The following CAMTA1 variants were observed in gnomAD, a reference collection of about 807,000 sequenced individuals.
CAMTA1 encodes calmodulin-binding transcription activator 1.
Under a neutral mutation model 170.9 loss-of-function variants are expected in CAMTA1, and 27 were observed. That is an observed-to-expected ratio of 0.16 (90% CI 0.12 to 0.22). The LOEUF is 0.22. Ranked by LOEUF, CAMTA1 falls within the 10% of genes least tolerant of loss-of-function variation. CAMTA1 has a pLI of 1.00. For synonymous variants in CAMTA1, 833 were observed against 891.5 expected (o/e 0.93, Z 1.17); for missense variants, 1,619 against 2,217.2 (o/e 0.73, Z 5.42).
chr1:7,070,545 GCAC>G (rs1327095531), intron 3 of CAMTA1, among the ~76,000 whole-genome samples: 1 of 152,142 alleles, frequency 6.6e-6, no homozygotes, highest in East Asian at 1.9e-4. Context: ...AACCTTTTGA[GCAC>G]GACCTTCTCT....
intron 6 of CAMTA1, among the ~76,000 whole-genome samples, chr1:7,608,097 C>T (rs1431684487): frequency 1.3e-5 from 2 of 152,206 alleles, no homozygotes; most frequent in African/African-American, 4.8e-5. Flanking sequence ...CTGCAGGAGA[C>T]CCATGCTCTG....
At chr1:7,147,235 A>G (rs1267345124) in intron 4 of CAMTA1, among the ~76,000 whole-genome samples, 1 of 152,128 alleles carries the variant, frequency 6.6e-6, no homozygotes, top group Non-Finnish European at 1.5e-5. Flanking sequence ...CCTGGCTAAC[A>G]TGGTGAAACC....
At chr1:6,922,238 A>C (rs894046122) in intron 3 of CAMTA1, among the ~76,000 whole-genome samples, 4 of 152,172 alleles carry the variant, frequency 2.6e-5, no homozygotes, top group Non-Finnish European at 4.4e-5. Context: ...AGATGAGCAA[A>C]AGCAGGTGCA....
At chr1:7,559,091 A>G (rs1266083030) in intron 6 of CAMTA1, among the ~76,000 whole-genome samples, 3 of 152,256 alleles carry the variant, frequency 2.0e-5, no homozygotes, top group South Asian at 4.1e-4. Flanking sequence ...GCTCCCCCAC[A>G]TGGCAGCCGC....
chr1:7,697,200 T>C (rs1458398075), intron 11 of CAMTA1, among the ~76,000 whole-genome samples: 1 of 152,200 alleles, frequency 6.6e-6, no homozygotes, highest in Non-Finnish European at 1.5e-5. Flanking sequence ...GAGCACATCC[T>C]GAGGACAGGA....
At chr1:7,546,655 G>T (rs72865449) in intron 6 of CAMTA1, among the ~76,000 whole-genome samples, 9,604 of 152,106 alleles carry the variant, frequency 0.063, 1,006 homozygotes, top group African/African-American at 0.22. Context: ...CTGCAACATC[G>T]CCAGCATCTG....
At chr1:7,590,107 T>C (rs2095344060) in intron 6 of CAMTA1, among the ~76,000 whole-genome samples, 1 of 152,164 alleles carries the variant, frequency 6.6e-6, no homozygotes, top group Admixed American at 6.5e-5. Context: ...AACTTCAACA[T>C]TGCCTATTTG....
chr1:7,184,234 T>C (rs995663092), intron 4 of CAMTA1, among the ~76,000 whole-genome samples: 5 of 152,128 alleles, frequency 3.3e-5, no homozygotes, highest in South Asian at 2.1e-4. Flanking sequence ...CTGGGAAGGG[T>C]AGTAGGGGCA....
At chr1:7,181,475 A>G (rs1421287603) in intron 4 of CAMTA1, among the ~76,000 whole-genome samples, 1 of 152,230 alleles carries the variant, frequency 6.6e-6, no homozygotes, top group African/African-American at 2.4e-5. Flanking sequence ...ATGATAGTAT[A>G]CTGGGATAAC....
At chr1:7,442,168 C>G (rs2092559545) in intron 5 of CAMTA1, among the ~76,000 whole-genome samples, 1 of 152,202 alleles carries the variant, frequency 6.6e-6, no homozygotes, top group Non-Finnish European at 1.5e-5. Flanking sequence ...ATGCTCAGCG[C>G]TCAGCAAGGC....
At chr1:7,229,560 A>G (rs113643155) in intron 4 of CAMTA1, among the ~76,000 whole-genome samples, 2 of 51,750 alleles carry the variant, frequency 3.9e-5, no homozygotes, top group African/African-American at 7.7e-5. Context: ...GATGGGGTGG[A>G]GAGGGGGAGA....
chr1:7,619,444 G>A (rs1332984919), intron 6 of CAMTA1, among the ~76,000 whole-genome samples: 1 of 152,114 alleles, frequency 6.6e-6, no homozygotes, highest in African/African-American at 2.4e-5. Context: ...TCACAAGGAA[G>A]AAGAGTGGGA....
chr1:7,736,328 C>G lies in CAMTA1; in HGVS notation c.3067-16C>G, dbSNP rs202107647. 3.6e-5 allele frequency: 58 copies of G among 1,611,746 alleles called. No individual in the cohort carries two copies. In the Middle Eastern group the frequency reaches 6.6e-4, roughly 18 times the overall value. On this transcript the variant is annotated splice_polypyrimidine_tract_variant and intron_variant, in intron 12 of 22. Transcript: ENST00000303635. This position sits in a 1 kb window ranked among gnomAD's most constrained non-coding sequence, Gnocchi z 4.5. ...CCTTTAGTCCTGAGGTCGTAACGTG[C>G]GCTTTTTTGTGACAGTGTGCTTCTG...
At position 7,044,623 on chromosome 1, in the gene CAMTA1, C is replaced by T. The variant is rs1032468386; in HGVS notation, c.235-46681C>T. Reference sequence around the variant, plus strand: ...GCGCTGAAACAGGAGACGTCCTCTCCGACCTTGGAGACCTGGCATTTGGAG... The same window carrying T: ...GCGCTGAAACAGGAGACGTCCTCTCTGACCTTGGAGACCTGGCATTTGGAG... On this transcript the variant is annotated intron_variant, in intron 3 of 22. Coordinates refer to ENST00000303635, the MANE Select transcript of CAMTA1 (RefSeq NM_015215.4). The surrounding 1 kb of genome is among the most constrained non-coding windows in gnomAD (Gnocchi z 5.0). 7.9e-5 allele frequency among the ~76,000 whole-genome samples: 12 copies of T among 152,162 alleles called. No individual in the cohort carries two copies. The highest frequency in any genetic ancestry group is 2.6e-4 in the Admixed American group (4 of 15,280).
intron 5 of CAMTA1, among the ~76,000 whole-genome samples, chr1:7,257,358 T>C (rs1667567266): frequency 6.6e-6 from 1 of 152,318 alleles, no homozygotes; most frequent in Admixed American, 6.5e-5. Context: ...CGCTGTCCAC[T>C]TCAGTGGTTG....
intron 6 of CAMTA1, among the ~76,000 whole-genome samples, chr1:7,500,690 G>C (rs572918229): frequency 1.3e-5 from 2 of 152,288 alleles, no homozygotes; most frequent in East Asian, 3.9e-4. Flanking sequence ...CAATTACCAC[G>C]GCTCAAAGTC....
rs893928943 is a variant in CAMTA1, at chr1:7,629,006, T to C, written c.511-11394T>C. On this transcript the variant is annotated intron_variant, in intron 6 of 22. Transcript: ENST00000303635. ...GGCTGCATGCCCTGAGGAGGACCTTTGCCCTACAGGAGTTCCCTGTGCCCC... is the reference window on the plus strand; with the variant it reads ...GGCTGCATGCCCTGAGGAGGACCTTCGCCCTACAGGAGTTCCCTGTGCCCC... Among the ~76,000 whole-genome samples the C allele has an allele frequency of 3.6e-4, 55 of 152,356 alleles. 2 individuals carry two copies. Among genetic ancestry groups the C allele is most frequent in the African/African-American group, 1.3e-3 (54 of 41,584 alleles).
chr1:7,423,452 A>G (rs566224568), intron 5 of CAMTA1, among the ~76,000 whole-genome samples: 2 of 148,604 alleles, frequency 1.3e-5, no homozygotes, highest in South Asian at 4.4e-4. Flanking sequence ...CTGGGTGACA[A>G]GAGCAAAACT....
intron 5 of CAMTA1, among the ~76,000 whole-genome samples, chr1:7,421,738 C>G (rs1030766451): frequency 2.0e-5 from 3 of 152,080 alleles, no homozygotes; most frequent in Non-Finnish European, 4.4e-5. Flanking sequence ...CAGGTGGGTC[C>G]GTGATGGAGG....
Sources: gnomAD v4.1 joint callset for allele counts (sites outside exome capture counted in the v4.1 genomes callset) on GRCh38, gnomAD v4.1.1 for gene constraint, Gnocchi (gnomAD v3.1) non-coding constraint, MANE v1.5 for transcripts, NCBI Gene and HGNC (gene_info 2026-07-23, HGNC 2026-07-21) for gene names.